Variants in TMPRSS11E observed in about 807,000 individuals in gnomAD.
TMPRSS11E encodes transmembrane protease serine 11E.
In TMPRSS11E, 38 loss-of-function variants were observed where a neutral mutation model predicts 48.1. The observed-to-expected ratio is 0.79, with a 90% CI of 0.61 to 1.04. TMPRSS11E has a LOEUF of 1.04. Among genes scored for constraint, TMPRSS11E ranks in the 50% least tolerant of loss-of-function variants. The pLI is 0.00. For missense variants in TMPRSS11E, 530 were observed against 510.8 expected (o/e 1.04, Z -0.36); for synonymous variants, 158 against 171.9 (o/e 0.92, Z 0.63).
In TMPRSS11E at chr4:68,476,387, C is replaced by A; in HGVS notation, c.656C>A (p.Ala219Glu). The change falls in exon 7 of 10, where the codon GCA (alanine) becomes GAA (glutamate). Residue 219 changes from alanine (A) to glutamate (E), a missense_variant. Ala to Glu is a moderately radical substitution (Grantham distance 107). Coordinates refer to ENST00000305363, the MANE Select transcript of TMPRSS11E (RefSeq NM_014058.4). ...LQWDGSHRCG[A>E]TLINATWLVS... ...TGGGATGGGAGTCATCGCTGTGGAG[C>A]AACCTTAATTAATGCCACATGGCTT... 1 of 1,614,064 alleles carries A rather than the reference C, an allele frequency of 6.2e-7. No homozygotes were observed. Among genetic ancestry groups the A allele is most frequent in the South Asian group, 1.1e-5 (1 of 91,074 alleles).
intron 4 of TMPRSS11E, among the ~76,000 whole-genome samples, chr4:68,469,930 C>G (rs560684577): frequency 6.6e-6 from 1 of 151,926 alleles, no homozygotes; most frequent in Non-Finnish European, 1.5e-5. Flanking sequence ...TCCACTAATT[C>G]TATTTTCCCA....
rs540370445 is a variant in TMPRSS11E, at chr4:68,492,458, A to G, written c.1111-4185A>G. Among the ~76,000 whole-genome samples the G allele has an allele frequency of 6.6e-5, 10 of 152,270 alleles. No individual in the cohort carries two copies. In the East Asian group the frequency reaches 1.7e-3, roughly 26 times the overall value. On this transcript the variant is annotated intron_variant, in intron 9 of 9. Coordinates refer to ENST00000305363, the MANE Select transcript of TMPRSS11E (RefSeq NM_014058.4). ...AAACAAGTGTCTTTTCTTGGTCTACATAGTGCTACATTTTTCACATTTTTA... is the reference window on the plus strand; with the variant it reads ...AAACAAGTGTCTTTTCTTGGTCTACGTAGTGCTACATTTTTCACATTTTTA...
Position 68,478,983 on chromosome 4 carries a change from G to A in TMPRSS11E, c.1102G>A (p.Ala368Thr), listed in dbSNP as rs768077699. 4.3e-6 allele frequency: 7 copies of A among 1,613,394 alleles called. No individual in the cohort carries two copies. The East Asian group carries it at 6.7e-5, about 15-fold the overall frequency. Residue 368 changes from alanine to threonine, a missense_variant, in exon 9 of 10, where the codon GCA (alanine) becomes ACA (threonine). Ala to Thr is a moderately conservative substitution (Grantham distance 58). Coordinates refer to ENST00000305363, the MANE Select transcript of TMPRSS11E (RefSeq NM_014058.4). The part of the protein sequence containing the change: ...CAGSLEGKTD[A>T]CQGDSGGPLV... Reference sequence around the variant, plus strand: ...TGGCTCCTTAGAAGGAAAAACAGATGCATGCCAGGTAAACAGTTTTGCCCA... The same window carrying A: ...TGGCTCCTTAGAAGGAAAAACAGATACATGCCAGGTAAACAGTTTTGCCCA...
At chr4:68,448,888 A>T (rs1728419327) in intron 1 of TMPRSS11E, among the ~76,000 whole-genome samples, 1 of 151,840 alleles carries the variant, frequency 6.6e-6, no homozygotes, top group Non-Finnish European at 1.5e-5. Flanking sequence ...GCAAAAAAGG[A>T]TTAAGTTTAT....
chr4:68,488,248 A>G (rs1316647038), intron 9 of TMPRSS11E, among the ~76,000 whole-genome samples: 1 of 152,190 alleles, frequency 6.6e-6, no homozygotes, highest in Non-Finnish European at 1.5e-5. Flanking sequence ...ATATTCATAA[A>G]TGAGTTTTCC....
chr4:68,457,572 A>T (rs1054817195), intron 1 of TMPRSS11E, among the ~76,000 whole-genome samples: 1 of 152,188 alleles, frequency 6.6e-6, no homozygotes, highest in African/African-American at 2.4e-5. Context: ...ATTATAAATC[A>T]TGCTACTATA....
intron 2 of TMPRSS11E, among the ~76,000 whole-genome samples, chr4:68,465,276 A>G (rs888785399): frequency 6.6e-6 from 1 of 152,076 alleles, no homozygotes; most frequent in African/African-American, 2.4e-5. Flanking sequence ...CATCTCTTTT[A>G]TTCATCACCA....
Position 68,471,473 on chromosome 4 carries a change from G to A in TMPRSS11E, c.340G>A (p.Gly114Arg). 7.1e-7 allele frequency: 1 copy of A among 1,412,962 alleles called. No homozygotes were observed. Among genetic ancestry groups the A allele is most frequent in the Non-Finnish European group, 9.4e-7 (1 of 1,066,748 alleles). The allele number at this position is 1,412,962 out of a possible 1,614,324, so 87.5% of individuals were successfully genotyped here. A position where few individuals can be genotyped will look rare whatever the true frequency, so the allele number is the denominator to read the frequency against. The part of the protein sequence containing the change: ...QVIKFSQQKH[G>R]VLAHMLLICR... ...TTTGGCCCACAGTCAACAGAAGCATGGAGTGTTGGCTCATATGCTGTTGAT... is the reference window on the plus strand; with the variant it reads ...TTTGGCCCACAGTCAACAGAAGCATAGAGTGTTGGCTCATATGCTGTTGAT... Residue 114 changes from glycine to arginine, a missense_variant, in exon 5 of 10, where the codon GGA (glycine) becomes AGA (arginine). Gly to Arg is a moderately radical substitution (Grantham distance 125, BLOSUM62 -2). Coordinates refer to ENST00000305363, the MANE Select transcript of TMPRSS11E (RefSeq NM_014058.4).
intron 9 of TMPRSS11E, among the ~76,000 whole-genome samples, chr4:68,491,776 G>A (rs771913181): frequency 6.6e-6 from 1 of 152,098 alleles, no homozygotes; most frequent in African/African-American, 2.4e-5. Flanking sequence ...TACTCTGTGT[G>A]CTTTCTAATC....
rs775906678 is a variant in TMPRSS11E, at chr4:68,471,504, G to T, written c.371G>T (p.Arg124Ile). The T allele has an allele frequency of 3.7e-6, 6 of 1,601,192 alleles. No individual in the cohort carries two copies. The Admixed American group carries it at 1.0e-4, about 28-fold the overall frequency. Residue 124 changes from arginine to isoleucine, a missense_variant, in exon 5 of 10, where the codon AGA becomes ATA. Arg to Ile is a moderately conservative substitution (Grantham distance 97). Coordinates refer to ENST00000305363, the MANE Select transcript of TMPRSS11E (RefSeq NM_014058.4). ...GVLAHMLLIC[R>I]FHSTEDPETV... ...TTGGCTCATATGCTGTTGATTTGTA[G>T]ATTTCACTCTACTGAGGATCCTGAA...
chr4:68,461,151 G>A (rs1001116746), intron 1 of TMPRSS11E, among the ~76,000 whole-genome samples: 1 of 152,194 alleles, frequency 6.6e-6, no homozygotes, highest in South Asian at 2.1e-4. Context: ...AAAGTGCTGG[G>A]ATTATAGGCG....
In TMPRSS11E at chr4:68,496,851, G is replaced by A; in HGVS notation, c.*47G>A. 6.5e-7 allele frequency: 1 copy of A among 1,548,138 alleles called. No homozygotes were observed. The highest frequency in any genetic ancestry group is 1.2e-5 in the South Asian group (1 of 81,196). Reference sequence around the variant, plus strand: ...AGATAACATTTTTTTTTGTTTTTTGGGTGTGGAGGCCATTTTTAGAGATAC... The same window carrying A: ...AGATAACATTTTTTTTTGTTTTTTGAGTGTGGAGGCCATTTTTAGAGATAC... On this transcript the variant is annotated 3_prime_UTR_variant, in exon 10 of 10. Transcript: ENST00000305363.
In TMPRSS11E at chr4:68,471,572, C is replaced by T. The variant is rs563324065; in HGVS notation, c.439C>T (p.Gln147Ter). 7 of 1,611,070 alleles carry T rather than the reference C, an allele frequency of 4.3e-6. No individual in the cohort carries two copies. In the African/African-American group the frequency reaches 9.4e-5, roughly 22 times the overall value. The change falls in exon 5 of 10, where the codon CAA becomes TAA. Residue 147 changes from glutamine (Q) to a stop codon, truncating the protein, a stop_gained. Transcript: ENST00000305363. LOFTEE classifies it high-confidence loss of function. ...TCAACTTGTTTTACATGAAAAGCTG[C>T]AAGATGCTGTAGGACCCCCTAAAGT... Reference protein sequence around the residue: ...IVQLVLHEKLQDAVGPPKVDP... With the variant: ...IVQLVLHEKL
intron 2 of TMPRSS11E, among the ~76,000 whole-genome samples, chr4:68,465,122 G>A (rs963607413): frequency 6.6e-6 from 1 of 152,090 alleles, no homozygotes; most frequent in East Asian, 1.9e-4. Flanking sequence ...ATATTTCCAG[G>A]TACCTGCCTG....
intron 9 of TMPRSS11E, among the ~76,000 whole-genome samples, chr4:68,483,323 G>A (rs1029525280): frequency 6.6e-5 from 10 of 152,100 alleles, no homozygotes; most frequent in Non-Finnish European, 1.2e-4. Flanking sequence ...ACTTGCTATC[G>A]CAAAGACAGC....
intron 5 of TMPRSS11E, among the ~76,000 whole-genome samples, chr4:68,473,188 TC>T (rs1181439264): frequency 6.6e-6 from 1 of 152,102 alleles, no homozygotes; most frequent in African/African-American, 2.4e-5. Context: ...GATTTCCCTA[TC>T]TTTCTCTTTC....
chr4:68,458,195 C>T (rs897491490), intron 1 of TMPRSS11E, among the ~76,000 whole-genome samples: 25 of 152,072 alleles, frequency 1.6e-4, no homozygotes, highest in African/African-American at 5.8e-4. Flanking sequence ...CCAGTGCTTG[C>T]CATTAGCTTT....
chr4:68,490,632 T>C (rs1370701912), intron 9 of TMPRSS11E, among the ~76,000 whole-genome samples: 1 of 152,190 alleles, frequency 6.6e-6, no homozygotes, highest in African/African-American at 2.4e-5. Flanking sequence ...ATTTCATTAC[T>C]GCTTCGCAGT....
chr4:68,470,328 T>C (rs1007293437), intron 4 of TMPRSS11E, among the ~76,000 whole-genome samples: 1 of 151,624 alleles, frequency 6.6e-6, no homozygotes. Flanking sequence ...AGAAAAATCA[T>C]GACAAAATCA....
Sources: gnomAD v4.1 joint callset for allele counts (sites outside exome capture counted in the v4.1 genomes callset) on GRCh38, gnomAD v4.1.1 for gene constraint, MANE v1.5 for transcripts, NCBI Gene and HGNC (gene_info 2026-07-23, HGNC 2026-07-21) for gene names.